Variants in RNF32 observed in about 807,000 individuals in gnomAD.
RNF32 encodes the protein ring finger protein 32.
A neutral mutation model predicts 41.0 loss-of-function variants in RNF32; 36 were observed. The observed-to-expected ratio is 0.88, with a 90% confidence interval of 0.67 to 1.16. RNF32 has a LOEUF of 1.16. RNF32 is among the 50% of genes most tolerant of loss of function. RNF32 has a pLI of 0.00. For missense variants in RNF32, 413 were observed against 436.7 expected (o/e 0.95, Z 0.48); for synonymous variants, 154 against 160.9 (o/e 0.96, Z 0.32).
intron 7 of RNF32, among the ~76,000 whole-genome samples, chr7:156,672,254 G>A (rs866359747): frequency 8.5e-5 from 13 of 152,288 alleles, no homozygotes; most frequent in Middle Eastern, 6.8e-3. Context: ...TGGTCGGTGC[G>A]TGTACTGAGC....
intron 6 of RNF32, 59 bp downstream of exon 6, chr7:156,658,311 C>T (rs1326631807): frequency 1.9e-6 from 3 of 1,596,066 alleles, no homozygotes; most frequent in East Asian, 2.2e-5. Context: ...TGACAACTAA[C>T]TTGTTTTTTG....
chr7:156,654,219 AACAAT>A (rs376015636), intron 3 of RNF32: 72 of 157,086 alleles, frequency 4.6e-4, no homozygotes, highest in African/African-American at 1.5e-3. Flanking sequence ...AATAAAAAAT[AACAAT>A]ACAACAATAT....
chr7:156,663,127 C>T (rs1800879878), intron 7 of RNF32, among the ~76,000 whole-genome samples: 1 of 152,116 alleles, frequency 6.6e-6, no homozygotes, highest in South Asian at 2.1e-4. Context: ...AGCCACTGCA[C>T]CCGGCCTTAA....
chr7:156,676,125 A>T, intron 8 of RNF32: 1 of 884,108 alleles, frequency 1.1e-6, no homozygotes. Context: ...CATGGGCTTT[A>T]GGGTGACGGC....
In RNF32 at chr7:156,676,342, T is replaced by C. The variant is rs761306784; in HGVS notation, c.853-77T>C. On this transcript the variant is annotated intron_variant, in intron 8 of 8. Transcript: ENST00000317955. Reference sequence around the variant, plus strand: ...AAGACCCATGTCTCGGGGCACATGGTTCGCATTTCAGTTTAAGTAACTTTC... The same window carrying C: ...AAGACCCATGTCTCGGGGCACATGGCTCGCATTTCAGTTTAAGTAACTTTC... 28 of 1,613,422 alleles carry C rather than the reference T, an allele frequency of 1.7e-5. No homozygotes were observed. The South Asian group carries it at 2.6e-4, about 15-fold the overall frequency.
At chr7:156,641,338 C>A (rs1797281588) in intron 1 of RNF32, among the ~76,000 whole-genome samples, 1 of 152,106 alleles carries the variant, frequency 6.6e-6, no homozygotes, top group Non-Finnish European at 1.5e-5. Context: ...GCTTTGGCAC[C>A]CCAGTGATCG....
rs1034209452 is a variant in RNF32 at position 156,670,152 on chromosome 7, T to C, written c.685-5544T>C. On this transcript the variant is annotated intron_variant, in intron 7 of 8. Transcript: ENST00000317955. The surrounding 1 kb of genome is among the most constrained non-coding windows in gnomAD (Gnocchi z 4.3). ...AGTTTTAAGTGCAAATATTAGAGCA[T>C]TTAAGTCATACGTGGAATCACCAAA... Among the ~76,000 whole-genome samples, 3 of 152,244 alleles carry C rather than the reference T, an allele frequency of 2.0e-5. No individual in the cohort carries two copies. Among genetic ancestry groups the C allele is most frequent in the South Asian group, 2.1e-4 (1 of 4,828 alleles).
Position 156,670,014 on chromosome 7 carries a change from C to G in RNF32, c.685-5682C>G, listed in dbSNP as rs1802126796. On this transcript the variant is annotated intron_variant, in intron 7 of 8. Transcript: ENST00000317955. This position sits in a 1 kb window ranked among gnomAD's most constrained non-coding sequence, Gnocchi z 4.3. ...AGCTGTATGTACTTCTGTGGCCTCT[C>G]TCTCCAGTGGTCATGTAGTTTTTTT... is the stretch of plus-strand genomic sequence containing the variant. 2.0e-5 allele frequency among the ~76,000 whole-genome samples: 3 copies of G among 152,238 alleles called. No homozygotes were observed. The highest frequency in any genetic ancestry group is 2.0e-4 in the Admixed American group (3 of 15,290).
Position 156,675,967 on chromosome 7 carries a change from T to C in RNF32, c.852+104T>C, listed in dbSNP as rs927994690. The C allele has an allele frequency of 1.3e-4, 161 of 1,208,006 alleles. 2 individuals are homozygous for C. Among genetic ancestry groups the C allele is most frequent in the Non-Finnish European group, 1.5e-4 (125 of 853,488 alleles). The allele number at this position is 1,208,006 out of a possible 1,614,324, so 74.8% of individuals were successfully genotyped here. ...GGTCGAGGACTCACTTTGGGGAGCC[T>C]AGGAGTGTCAGGCCCGGGGTGCAGC... On this transcript the variant is annotated intron_variant, in intron 8 of 8. Transcript: ENST00000317955.
intron 3 of RNF32, among the ~76,000 whole-genome samples, chr7:156,645,327 G>C (rs141904550): frequency 2.0e-5 from 3 of 152,166 alleles, no homozygotes; most frequent in Non-Finnish European, 4.4e-5. Flanking sequence ...AGTAACGCAC[G>C]GGCCAGCATC....
chr7:156,644,422 T>C (rs899198879), intron 2 of RNF32, 77 bp from the exon 3 acceptor site: 1 of 1,108,552 alleles, frequency 9.0e-7, no homozygotes, highest in African/African-American at 1.6e-5. Context: ...CAAGGTTGAG[T>C]ATTGAAGCCT....
chr7:156,663,667 C>T (rs190281545), intron 7 of RNF32, among the ~76,000 whole-genome samples: 2 of 152,230 alleles, frequency 1.3e-5, no homozygotes, highest in Non-Finnish European at 1.5e-5. Flanking sequence ...TGAGATAGAA[C>T]AGCCTTGTTA....
intron 3 of RNF32, among the ~76,000 whole-genome samples, chr7:156,649,701 T>A (rs74667829): frequency 0.018 from 2,810 of 152,304 alleles, 88 homozygotes; most frequent in African/African-American, 0.065. Flanking sequence ...TCCTTGAGTT[T>A]GTTTGTGCCG....
intron 7 of RNF32, among the ~76,000 whole-genome samples, chr7:156,662,847 CT>C (rs55909570): frequency 0.021 from 2,710 of 130,410 alleles, 43 homozygotes; most frequent in African/African-American, 0.067. Context: ...AACAGCCATT[CT>C]TTTTTTTTTT....
In RNF32 at chr7:156,643,898, C is replaced by G. The variant is rs370493845; in HGVS notation, c.15+6C>G. 9.9e-6 allele frequency: 16 copies of G among 1,608,660 alleles called. No individual in the cohort carries two copies. The highest frequency in any genetic ancestry group is 1.3e-5 in the Non-Finnish European group (15 of 1,175,282). ...TCGGCATGTTAAAAAATAAGGTACG[C>G]TATTCTTTTCTTAAACATACACGTT... On this transcript the variant is annotated splice_donor_region_variant and intron_variant, in intron 2 of 8. Transcript: ENST00000317955.
Position 156,676,593 on chromosome 7 carries a change from C to T in RNF32, c.1027C>T (p.Pro343Ser). Reference protein sequence around the residue: ...ALEEFSVGDRPPFHACPLCRS... With the variant: ...ALEEFSVGDRSPFHACPLCRS... Reference sequence around the variant, plus strand: ...AGAGGAGTTCTCCGTGGGAGACAGGCCTCCTTTCCATGCCTGTCCTCTCTG... The same window carrying T: ...AGAGGAGTTCTCCGTGGGAGACAGGTCTCCTTTCCATGCCTGTCCTCTCTG... The change falls in exon 9 of 9, where the codon CCT becomes TCT. Residue 343 changes from proline to serine, a missense_variant. By Grantham distance (74) the Pro-to-Ser change is moderately conservative. Coordinates refer to ENST00000317955, the MANE Select transcript of RNF32 (RefSeq NM_030936.4). The T allele has an allele frequency of 1.2e-6, 2 of 1,614,204 alleles. No individual in the cohort carries two copies. Among genetic ancestry groups the T allele is most frequent in the South Asian group, 1.1e-5 (1 of 91,078 alleles).
chr7:156,662,195 A>G (rs1039884313), intron 7 of RNF32, among the ~76,000 whole-genome samples: 4 of 152,196 alleles, frequency 2.6e-5, no homozygotes, highest in African/African-American at 9.7e-5. Flanking sequence ...TGTCCTTTAT[A>G]ATAAAGACCA....
In RNF32 at chr7:156,669,498, C is replaced by T. The variant is rs1801984455; in HGVS notation, c.685-6198C>T. On this transcript the variant is annotated intron_variant, in intron 7 of 8. Transcript: ENST00000317955. The surrounding 1 kb of genome is among the most constrained non-coding windows in gnomAD (Gnocchi z 4.2). ...TCTGTCCAGGCAGAGGGCAGCACGG[C>T]TTAGCATGTGGGAGGGGCAGGCTGG... Among the ~76,000 whole-genome samples, 1 of 152,134 alleles carries T rather than the reference C, an allele frequency of 6.6e-6. No homozygotes were observed. Among genetic ancestry groups the T allele is most frequent in the African/African-American group, 2.4e-5 (1 of 41,444 alleles).
At chr7:156,640,865 C>T (rs1350318854) in intron 1 of RNF32, 54 bp downstream of exon 1, 4 of 206,522 alleles carry the variant, frequency 1.9e-5, no homozygotes, top group Non-Finnish European at 3.0e-5. Flanking sequence ...GCCAGGCGGG[C>T]GGGGTCCATG....
Sources: allele counts gnomAD v4.1 joint callset (sites outside exome capture counted in the v4.1 genomes callset), GRCh38; gene constraint gnomAD v4.1.1; non-coding constraint Gnocchi (gnomAD v3.1); transcripts MANE v1.5; gene names NCBI Gene and HGNC (gene_info 2026-07-23, HGNC 2026-07-21).